The following JMJD1C variants were observed in gnomAD, a reference collection of about 807,000 sequenced individuals.
JMJD1C encodes the protein jumonji domain-containing protein 1C.
In JMJD1C, 31 loss-of-function variants were observed where a neutral mutation model predicts 245.3. The ratio of observed to expected loss-of-function variants is 0.13; its 90% confidence interval spans 0.09 to 0.17. The LOEUF (loss-of-function observed/expected upper bound fraction) is 0.17. Among genes scored for constraint, JMJD1C ranks in the 10% least tolerant of loss-of-function variants. The pLI is 1.00. For missense variants in JMJD1C, 2,691 were observed against 3,000.2 expected, an observed-to-expected ratio of 0.90 and a Z score of 2.41; for synonymous variants, 1,057 against 1,017.4, an observed-to-expected ratio of 1.04 and a Z score of -0.74.
At chr10:63,281,458 C>CTTTTTTTT (rs71025144) in intron 2 of JMJD1C, among the ~76,000 whole-genome samples, 3 of 65,386 alleles carry the variant, frequency 4.6e-5, no homozygotes, top group African/African-American at 2.1e-4. Context: ...TGCGCCTGGC[C>CTTTTTTTT]TTTTTTTTTT....
At chr10:63,174,632 G>T (rs937874610) in intron 24 of JMJD1C, among the ~76,000 whole-genome samples, 1 of 152,062 alleles carries the variant, frequency 6.6e-6, no homozygotes, top group African/African-American at 2.4e-5. Context: ...TCAGGAGTTC[G>T]AGACCAGCCT....
intron 3 of JMJD1C, among the ~76,000 whole-genome samples, chr10:63,249,441 T>A (rs890827736): frequency 6.6e-6 from 1 of 152,158 alleles, no homozygotes; most frequent in Non-Finnish European, 1.5e-5. Context: ...TGGATATAAA[T>A]ATACAATTCA....
chr10:63,401,723 C>A (rs1432629490), intron 1 of JMJD1C, among the ~76,000 whole-genome samples: 1 of 152,054 alleles, frequency 6.6e-6, no homozygotes, highest in Non-Finnish European at 1.5e-5. Flanking sequence ...TTGTGTCCCC[C>A]ACTAAAATTC....
At chr10:63,180,595 G>T (rs1291588399) in intron 22 of JMJD1C, among the ~76,000 whole-genome samples, 1 of 151,724 alleles carries the variant, frequency 6.6e-6, no homozygotes, top group Non-Finnish European at 1.5e-5. Context: ...CTTTACTCTG[G>T]TATCTTTTTG....
At chr10:63,501,266 C>A (rs1954551191) in intron 1 of JMJD1C, among the ~76,000 whole-genome samples, 1 of 151,748 alleles carries the variant, frequency 6.6e-6, no homozygotes, top group Non-Finnish European at 1.5e-5. Flanking sequence ...CATGGAATTT[C>A]ACAGTCATGT....
intron 1 of JMJD1C, among the ~76,000 whole-genome samples, chr10:63,514,119 G>C (rs187850090): frequency 3.0e-4 from 46 of 152,100 alleles, no homozygotes; most frequent in Non-Finnish European, 5.4e-4. Flanking sequence ...TTACTAAAAA[G>C]TCAAAAAACA....
intron 2 of JMJD1C, among the ~76,000 whole-genome samples, chr10:63,377,271 G>A (rs1025496470): frequency 2.6e-5 from 4 of 152,172 alleles, no homozygotes; most frequent in Admixed American, 1.3e-4. Context: ...GCTCTTTAAT[G>A]AGTACAGTTT....
intron 3 of JMJD1C, among the ~76,000 whole-genome samples, chr10:63,221,652 AT>A (rs1193593334): frequency 6.6e-6 from 1 of 152,218 alleles, no homozygotes; most frequent in Admixed American, 6.5e-5. Flanking sequence ...AGAAAGTCCT[AT>A]CAGACTCTAA....
intron 2 of JMJD1C, among the ~76,000 whole-genome samples, chr10:63,335,405 C>T (rs947755764): frequency 1.3e-5 from 2 of 152,194 alleles, no homozygotes; most frequent in Non-Finnish European, 2.9e-5. Flanking sequence ...AGTTAAAAAG[C>T]TAAATATTCC....
intron 3 of JMJD1C, among the ~76,000 whole-genome samples, chr10:63,262,934 G>A (rs192948198): frequency 8.0e-4 from 122 of 151,892 alleles, no homozygotes; most frequent in East Asian, 1.6e-3. Flanking sequence ...TCTACATAAC[G>A]ATTTCACTTC....
chr10:63,465,952 GCCGCCA>G lies in JMJD1C; in HGVS notation c.-296_-291del. The G allele has an allele frequency of 1.9e-6, 1 of 525,006 alleles. No individual in the cohort carries two copies. The highest frequency in any genetic ancestry group is 2.9e-5 in the Admixed American group (1 of 34,688). 32.5% of individuals were successfully genotyped at this position (525,006 alleles called of 1,614,324 possible). A position where few individuals can be genotyped will look rare whatever the true frequency, so the allele number is the denominator to read the frequency against. On this transcript the variant is annotated 5_prime_UTR_variant, in exon 1 of 26. Coordinates refer to ENST00000399262, the MANE Select transcript of JMJD1C (RefSeq NM_032776.3). Reference sequence around the variant, plus strand: ...TCGAAGACCCCGAGGCAGCCCAGCCGCCGCCACCGCGCCGCGGCCAGTACTGCTCCG... The same window carrying G: ...TCGAAGACCCCGAGGCAGCCCAGCCGCCGCGCCGCGGCCAGTACTGCTCCG...
intron 5 of JMJD1C, among the ~76,000 whole-genome samples, chr10:63,215,954 A>T (rs1436786062): frequency 2.0e-5 from 3 of 152,250 alleles, no homozygotes; most frequent in Non-Finnish European, 4.4e-5. Context: ...AAACAAGGGT[A>T]TTAATCAAGA....
rs770246036 is a variant in JMJD1C at position 63,214,362 on chromosome 10, G to A, written c.1805C>T (p.Pro602Leu). The A allele has an allele frequency of 1.2e-6, 2 of 1,614,022 alleles. No homozygotes were observed. The highest frequency in any genetic ancestry group is 1.7e-6 in the Non-Finnish European group (2 of 1,180,000). The part of the protein sequence containing the change: ...EKEKYVSYIS[P>L]LSAVSVMEDK... ...TTCCATGACAGAAACTGCACTTAAA[G>A]GAGAAATGTAAGAGACATACTTCTC... Residue 602 changes from proline (P) to leucine (L), a missense_variant, in exon 8 of 26, where the codon CCT (proline) becomes CTT (leucine). Coordinates refer to ENST00000399262, the MANE Select transcript of JMJD1C (RefSeq NM_032776.3).
At chr10:63,369,097 TTTC>T (rs1474371959) in intron 2 of JMJD1C, among the ~76,000 whole-genome samples, 2 of 152,076 alleles carry the variant, frequency 1.3e-5, no homozygotes, top group Non-Finnish European at 2.9e-5. Flanking sequence ...TTCCTCTTTC[TTTC>T]TTTTCTTCTT....
In JMJD1C at chr10:63,267,389, T is replaced by C. The variant is rs10995486; in HGVS notation, c.334-2625A>G. 1.8e-4 allele frequency among the ~76,000 whole-genome samples: 28 copies of C among 152,222 alleles called. No homozygotes were observed. The East Asian group carries it at 5.4e-3, about 29-fold the overall frequency. ...TAGTCTAGTACATTTCAAAGGAACA[T>C]TATAAGTTTAAAAATAATAAAAAAC... On this transcript the variant is annotated intron_variant, in intron 2 of 25. Coordinates refer to ENST00000399262, the MANE Select transcript of JMJD1C (RefSeq NM_032776.3).
intron 2 of JMJD1C, among the ~76,000 whole-genome samples, chr10:63,287,622 C>A (rs1234924119): frequency 6.6e-6 from 1 of 152,152 alleles, no homozygotes; most frequent in African/African-American, 2.4e-5. Context: ...TTTCATATAT[C>A]TTATTCTAGA....
At chr10:63,211,375 A>C (rs1847300788) in intron 8 of JMJD1C, among the ~76,000 whole-genome samples, 1 of 151,886 alleles carries the variant, frequency 6.6e-6, no homozygotes, top group Non-Finnish European at 1.5e-5. Flanking sequence ...CTGAGGCAGG[A>C]CAATCACTTG....
At chr10:63,423,253 C>T (rs1362581744) in intron 1 of JMJD1C, among the ~76,000 whole-genome samples, 1 of 152,184 alleles carries the variant, frequency 6.6e-6, no homozygotes, top group African/African-American at 2.4e-5. Context: ...GCGTGAGGCA[C>T]CGCACCTGGC....
At chr10:63,273,622 A>T (rs1406241690) in intron 2 of JMJD1C, among the ~76,000 whole-genome samples, 1 of 152,190 alleles carries the variant, frequency 6.6e-6, no homozygotes, top group Non-Finnish European at 1.5e-5. Flanking sequence ...CTGAGGTAAA[A>T]AGGTGAAAAG....
Sources: allele counts gnomAD v4.1 joint callset (sites outside exome capture counted in the v4.1 genomes callset), GRCh38; gene constraint gnomAD v4.1.1; transcripts MANE v1.5; gene names NCBI Gene and HGNC (gene_info 2026-07-23, HGNC 2026-07-21).